Variants in CC2D2B observed in about 807,000 individuals in gnomAD.
The protein encoded by CC2D2B is protein CC2D2B.
A neutral mutation model predicts 161.2 loss-of-function variants in CC2D2B; 128 were observed. The ratio of observed to expected loss-of-function variants is 0.79; its 90% CI spans 0.69 to 0.92. The LOEUF (loss-of-function observed/expected upper bound fraction) is 0.92. CC2D2B is among the 40% of genes least tolerant of loss of function. The pLI is 0.00. For synonymous variants in CC2D2B, 391 were observed against 449.8 expected, an observed-to-expected ratio of 0.87 and a Z score of 1.65; for missense variants, 1,173 against 1,375.1, an observed-to-expected ratio of 0.85 and a Z score of 2.32.
intron 7 of CC2D2B, 60 bp downstream of exon 7, chr10:95,938,249 G>A (rs1469523294): frequency 9.2e-7 from 1 of 1,081,146 alleles, no homozygotes; most frequent in Non-Finnish European, 1.4e-6. Context: ...TGGGATAATA[G>A]CTTTATTGTA....
chr10:96,012,773 C>T (rs1207669563), intron 28 of CC2D2B, 44 bp downstream of exon 28: 2 of 1,204,188 alleles, frequency 1.7e-6, no homozygotes, highest in Non-Finnish European at 1.2e-6. Flanking sequence ...GATTAAAGGG[C>T]ATCTGTGAAG....
intron 33 of CC2D2B, among the ~76,000 whole-genome samples, chr10:96,025,154 A>AATATATATATATATAT (rs1175038678): frequency 5.0e-5 from 1 of 20,102 alleles, no homozygotes; most frequent in Non-Finnish European, 7.8e-5. Context: ...ACTAAAAAAA[A>AATATATATATATATAT]ATATATATAT....
chr10:95,997,282 A>G (rs140815116), intron 24 of CC2D2B, among the ~76,000 whole-genome samples: 75 of 152,294 alleles, frequency 4.9e-4, no homozygotes, highest in African/African-American at 1.6e-3. Context: ...TGCCATTACA[A>G]GCAATATTGC....
At chr10:95,961,243 T>C (rs2076748877) in intron 11 of CC2D2B, among the ~76,000 whole-genome samples, 1 of 152,140 alleles carries the variant, frequency 6.6e-6, no homozygotes, top group African/African-American at 2.4e-5. Context: ...CTTGTAGCGT[T>C]CTGGCAGGGC....
intron 13 of CC2D2B, 53 bp downstream of exon 13, chr10:95,966,051 T>G: frequency 2.6e-6 from 2 of 779,746 alleles, no homozygotes; most frequent in Non-Finnish European, 3.5e-6. Context: ...TATTTTATTT[T>G]TTGATAGAAT....
chr10:96,013,757 A>T (rs767502871), intron 28 of CC2D2B, 31 bp from the exon 29 acceptor site: 1 of 1,351,648 alleles, frequency 7.4e-7, no homozygotes, highest in South Asian at 1.2e-5. Context: ...GACATACAGC[A>T]CACACTCAAT....
chr10:96,000,521 G>A (rs1028658000), intron 24 of CC2D2B, among the ~76,000 whole-genome samples: 12 of 151,914 alleles, frequency 7.9e-5, no homozygotes, highest in Admixed American at 6.5e-4. Context: ...CTGCCACCAC[G>A]CCCAGCTAAT....
chr10:96,016,209 C>A lies in CC2D2B; in HGVS notation c.3525C>A (p.Ile1175=). 6.2e-7 allele frequency: 1 copy of A among 1,608,602 alleles called. No individual in the cohort carries two copies. Among genetic ancestry groups the A allele is most frequent in the South Asian group, 1.1e-5 (1 of 90,298 alleles). The part of the protein sequence containing the change: ...SDIWMTSEHC[I]SLAIGNKEEH... ...CTTTTGTTTTGTCTTAGCACTGCAT[C>A]AGTTTAGCTATCGGAAATAAGGAGG... Residue 1175 remains isoleucine, a synonymous_variant, in exon 30 of 35, where the codon ATC becomes ATA. Transcript: ENST00000646931.
intron 17 of CC2D2B, among the ~76,000 whole-genome samples, chr10:95,981,762 C>A (rs1274036980): frequency 6.6e-6 from 1 of 152,084 alleles, no homozygotes; most frequent in Non-Finnish European, 1.5e-5. Flanking sequence ...CTCTTATAAA[C>A]ATTTATCAAA....
chr10:95,931,930 C>T (rs187287383), intron 6 of CC2D2B, among the ~76,000 whole-genome samples: 23 of 152,264 alleles, frequency 1.5e-4, no homozygotes, highest in Non-Finnish European at 2.9e-4. Flanking sequence ...TCCTGAATAT[C>T]CTTGTTAATT....
At chr10:95,958,740 A>G (rs897565765) in intron 11 of CC2D2B, among the ~76,000 whole-genome samples, 1 of 152,140 alleles carries the variant, frequency 6.6e-6, no homozygotes, top group Admixed American at 6.6e-5. Flanking sequence ...AAACACAAAC[A>G]GAGCCTAAGA....
At chr10:95,971,025 A>G (rs1318839999) in intron 15 of CC2D2B, among the ~76,000 whole-genome samples, 1 of 152,084 alleles carries the variant, frequency 6.6e-6, no homozygotes, top group Non-Finnish European at 1.5e-5. Context: ...TTTCCTTCTT[A>G]GAGCTCATAT....
chr10:96,019,626 T>C, intron 31 of CC2D2B, 76 bp from the exon 32 acceptor site: 2 of 1,421,360 alleles, frequency 1.4e-6, no homozygotes, highest in Non-Finnish European at 1.9e-6. Flanking sequence ...GACTGTAAAA[T>C]TTTGCTCCTT....
intron 9 of CC2D2B, among the ~76,000 whole-genome samples, chr10:95,942,888 A>G (rs902150145): frequency 6.6e-6 from 1 of 152,066 alleles, no homozygotes; most frequent in Non-Finnish European, 1.5e-5. Context: ...CTAAACTTTT[A>G]TAAAAAGGCT....
intron 33 of CC2D2B, among the ~76,000 whole-genome samples, chr10:96,025,178 TATATATAAAAAAAA>T (rs2079677735): frequency 1.9e-4 from 2 of 10,658 alleles, no homozygotes; most frequent in Non-Finnish European, 2.1e-4. Context: ...TATATATATA[TATATATAAAAAAAA>T]ATATATATAT....
chr10:95,973,752 T>G (rs1357829837), intron 16 of CC2D2B, among the ~76,000 whole-genome samples: 1 of 151,620 alleles, frequency 6.6e-6, no homozygotes, highest in Non-Finnish European at 1.5e-5. Flanking sequence ...TCCCAGCTAC[T>G]TGGGAGCCTG....
At chr10:95,981,832 C>T (rs1160008295) in intron 17 of CC2D2B, 143 bp from the exon 18 acceptor site, 2 of 416,568 alleles carry the variant, frequency 4.8e-6, no homozygotes, top group Non-Finnish European at 8.1e-6. Context: ...ACTTTCTATT[C>T]TATCCATAAA....
In CC2D2B at chr10:96,032,109, C is replaced by T; in HGVS notation, c.*101C>T. On this transcript the variant is annotated 3_prime_UTR_variant, in exon 35 of 35. Coordinates refer to ENST00000646931, the MANE Select transcript of CC2D2B (RefSeq NM_001349008.3). ...TTTTGCTGTTTATTCTCAAGTCCAGCTAAGTGCTGGGCCCAATTTTTGATT... is the reference window on the plus strand; with the variant it reads ...TTTTGCTGTTTATTCTCAAGTCCAGTTAAGTGCTGGGCCCAATTTTTGATT... 1.1e-6 allele frequency: 1 copy of T among 920,970 alleles called. No individual in the cohort carries two copies. The highest frequency in any genetic ancestry group is 2.6e-5 in the East Asian group (1 of 37,902). The allele number at this position is 920,970 out of a possible 1,614,324, so 57.0% of individuals were successfully genotyped here.
intron 24 of CC2D2B, among the ~76,000 whole-genome samples, chr10:95,997,394 CT>C (rs1042071906): frequency 7.4e-5 from 11 of 148,082 alleles, no homozygotes; most frequent in African/African-American, 2.0e-4. Flanking sequence ...ATCTAGACAG[CT>C]TTTTTTTTTA....
Sources: allele counts gnomAD v4.1 joint callset (sites outside exome capture counted in the v4.1 genomes callset), GRCh38; gene constraint gnomAD v4.1.1; transcripts MANE v1.5; gene names NCBI Gene and HGNC (gene_info 2026-07-23, HGNC 2026-07-21).